Variants in TTN observed in about 807,000 individuals in gnomAD.
TTN encodes the protein connectin.
In TTN, 1,525 loss-of-function variants were observed where a neutral mutation model predicts 3,223.0. The observed-to-expected ratio is 0.47, with a 90% CI of 0.45 to 0.49. The LOEUF (loss-of-function observed/expected upper bound fraction) is 0.49, where lower values mean the gene tolerates loss of function less well. Among genes scored for constraint, TTN ranks in the 20% least tolerant of loss-of-function variants. The pLI is 0.00. For synonymous variants in TTN, 14,094 were observed against 15,161.0 expected (o/e 0.93, Z 5.17); for missense variants, 40,786 against 43,424.0 (o/e 0.94, Z 5.40).
At chr2:178,556,578 C>T in intron 330 of TTN, 1 of 458,044 alleles carries the variant, frequency 2.2e-6, no homozygotes. Flanking sequence ...AGAATGAAAG[C>T]ACCAACTCAT....
At position 178,589,748 on chromosome 2, in the gene TTN, G is replaced by A. The variant is rs763560548; in HGVS notation, c.61977C>T (p.Pro20659=). ...TGTCAATAGGGTTAATAGCCAGAAT[G>A]GGAGTTTTTGTTTCGATGGTTGGCC... is the stretch of plus-strand genomic sequence containing the variant. ...GVGPTIETKT[P]ILAINPIDRP... Residue 20659 remains proline, a synonymous_variant, in exon 304 of 363, where the codon CCC becomes CCT. Coordinates refer to ENST00000589042, the MANE Select transcript of TTN (RefSeq NM_001267550.2). 6 of 1,613,514 alleles carry A rather than the reference G, an allele frequency of 3.7e-6. No individual in the cohort carries two copies. In the Admixed American group the frequency reaches 1.0e-4, roughly 27 times the overall value.
chr2:178,736,338 T>C (rs1013984695), intron 49 of TTN, among the ~76,000 whole-genome samples: 10 of 152,182 alleles, frequency 6.6e-5, no homozygotes, highest in African/African-American at 1.4e-4. Flanking sequence ...TTACTAAAGA[T>C]TTGTCCATTT....
At chr2:178,641,554 T>C (rs1286307947) in intron 219 of TTN, 1 of 267,976 alleles carries the variant, frequency 3.7e-6, no homozygotes, top group Non-Finnish European at 6.9e-6. Context: ...AGAGGGTCTA[T>C]TCTGAGACAA....
At chr2:178,749,082 C>CA in intron 47 of TTN, 1 of 1,612,880 alleles carries the variant, frequency 6.2e-7, no homozygotes. Context: ...TCTTCATATA[C>CA]AATGGCAGAT....
rs940211628 is a variant in TTN, at chr2:178,607,900, G to A, written c.52887C>T (p.Tyr17629=). The change falls in exon 276 of 363, where the codon TAC becomes TAT. Residue 17629 remains tyrosine (Y), a synonymous_variant. Coordinates refer to ENST00000589042, the MANE Select transcript of TTN (RefSeq NM_001267550.2). ...CTEKMIKVRQ[Y]TVKEIREGAD... ...CACCCTCTCGGATTTCTTTGACGGTGTACTGACGGACCTTGATCATCTTCT... is the reference window on the plus strand; with the variant it reads ...CACCCTCTCGGATTTCTTTGACGGTATACTGACGGACCTTGATCATCTTCT... 2.5e-6 allele frequency: 4 copies of A among 1,612,894 alleles called. No homozygotes were observed. The African/African-American group carries it at 4.0e-5, about 16-fold the overall frequency.
At chr2:178,651,795 AC>A in intron 205 of TTN, 46 bp from the exon 206 acceptor site, 1 of 1,607,512 alleles carries the variant, frequency 6.2e-7, no homozygotes, top group Non-Finnish European at 8.5e-7. Flanking sequence ...AGATTGAGAA[AC>A]AAGACAAAAG....
At position 178,717,260 on chromosome 2, in the gene TTN, C is replaced by T. The variant is rs770655555; in HGVS notation, c.25474G>A (p.Asp8492Asn). ...CCTCCAGGGCGAATCTCTCGGTTATCTTTGGCCCAAGTGATTTTGATTGGT... is the reference window on the plus strand; with the variant it reads ...CCTCCAGGGCGAATCTCTCGGTTATTTTTGGCCCAAGTGATTTTGATTGGT... ...TAPIKITWAK[D>N]NREIRPGGNY... Residue 8492 changes from aspartate to asparagine, a missense_variant, in exon 88 of 363, where the codon GAT becomes AAT. Transcript: ENST00000589042. 1.2e-6 allele frequency: 2 copies of T among 1,613,722 alleles called. No homozygotes were observed. The highest frequency in any genetic ancestry group is 8.5e-7 in the Non-Finnish European group (1 of 1,179,694).
intron 43 of TTN, among the ~76,000 whole-genome samples, chr2:178,763,913 T>A (rs2089841316): frequency 7.6e-6 from 1 of 131,012 alleles, no homozygotes; most frequent in South Asian, 2.6e-4. Context: ...TGACCTTTTT[T>A]AATATTAGTG....
Position 178,579,977 on chromosome 2 carries a change from C to T in TTN, c.67310G>A (p.Gly22437Asp). The change falls in exon 318 of 363, where the codon GGT (glycine) becomes GAT (aspartate). Residue 22437 changes from glycine (G) to aspartate (D), a missense_variant. Physicochemically the swap from Gly to Asp is moderately conservative, Grantham distance 94. Coordinates refer to ENST00000589042, the MANE Select transcript of TTN (RefSeq NM_001267550.2). ...AGCATCACGAGTTTCACCGGGATCA[C>T]CAATGCCATACTCATTTTCAGCAAA... is the stretch of plus-strand genomic sequence containing the variant. ...RVFAENEYGI[G>D]DPGETRDAVK... 6.2e-7 allele frequency: 1 copy of T among 1,613,252 alleles called. No individual in the cohort carries two copies. The highest frequency in any genetic ancestry group is 8.5e-7 in the Non-Finnish European group (1 of 1,179,502).
Position 178,733,027 on chromosome 2 carries a change from G to A in TTN, c.16149C>T (p.Ser5383=). ...TAAACCAGGACACCCTCATGGGGAG[G>A]GAGCCTGCAATTTTGCAGTCCAGTC... ...TCRLDCKIAG[S]LPMRVSWFKD... Residue 5383 remains serine, a synonymous_variant, in exon 55 of 363, where the codon TCC becomes TCT. Transcript: ENST00000589042. 6.2e-7 allele frequency: 1 copy of A among 1,613,318 alleles called. No homozygotes were observed. Among genetic ancestry groups the A allele is most frequent in the East Asian group, 2.2e-5 (1 of 44,768 alleles).
Position 178,591,158 on chromosome 2 carries a change from C to T in TTN, c.60567G>A (p.Met20189Ile). The T allele has an allele frequency of 6.2e-7, 1 of 1,613,336 alleles. No homozygotes were observed. The highest frequency in any genetic ancestry group is 8.5e-7 in the Non-Finnish European group (1 of 1,179,552). The part of the protein sequence containing the change: ...INILDVTPEH[M>I]TISWQPPKDD... ...CCTTAGGTGGCTGCCATGAGATAGT[C>T]ATGTGTTCAGGAGTAACATCCAGAA... Residue 20189 changes from methionine to isoleucine, a missense_variant, in exon 304 of 363, where the codon ATG becomes ATA. Physicochemically the swap from Met to Ile is conservative, Grantham distance 10 (BLOSUM62 1). Transcript: ENST00000589042.
Position 178,734,900 on chromosome 2 carries a change from T to G in TTN, c.15024A>C (p.Ser5008=). ...SARLHCKLKG[S]PVIQVTWFKN... is the part of the protein sequence containing the mutation. ...TAAACCAAGTAACCTGGATCACAGG[T>G]GAGCCTTTCAGCTTGCAATGGAGGC... is the stretch of plus-strand genomic sequence containing the variant. Residue 5008 remains serine (S), a synonymous_variant, in exon 51 of 363, where the codon TCA becomes TCC. Transcript: ENST00000589042. 1 of 1,613,320 alleles carries G rather than the reference T, an allele frequency of 6.2e-7. No individual in the cohort carries two copies. The highest frequency in any genetic ancestry group is 1.1e-5 in the South Asian group (1 of 91,044).
chr2:178,738,015 A>G, intron 49 of TTN, 67 bp downstream of exon 49: 1 of 1,562,404 alleles, frequency 6.4e-7, no homozygotes, highest in East Asian at 2.3e-5. Context: ...CCACACATGT[A>G]CAGAAAGCAA....
chr2:178,750,191 TG>T (rs780105661), intron 47 of TTN: 1 of 1,613,206 alleles, frequency 6.2e-7, no homozygotes, highest in South Asian at 1.1e-5. Flanking sequence ...CATAGATGGA[TG>T]GGCGCCTTTT....
At chr2:178,641,505 T>C (rs2061230687) in intron 219 of TTN, 190 bp from the exon 220 acceptor site, 1 of 403,096 alleles carries the variant, frequency 2.5e-6, no homozygotes, top group Admixed American at 4.4e-5. Context: ...AGGTTGTCAA[T>C]TATAATAGCA....
In TTN at chr2:178,607,187, A is replaced by G. The variant is rs1436348536; in HGVS notation, c.53415T>C (p.Asp17805=). The change falls in exon 278 of 363, where the codon GAT becomes GAC. Residue 17805 remains aspartate, a synonymous_variant. Transcript: ENST00000589042. ...GTTGTCTCCAAGTATGCATCTTGGC[A>G]TCTTTTCTTTCAATGATAAAGCCTG... The part of the protein sequence containing the change: ...EITGFIIERK[D]AKMHTWRQPI... 1 of 1,612,886 alleles carries G rather than the reference A, an allele frequency of 6.2e-7. No homozygotes were observed. The highest frequency in any genetic ancestry group is 1.3e-5 in the African/African-American group (1 of 74,834).
At position 178,758,723 on chromosome 2, in the gene TTN, G is replaced by A. The variant is rs555930536; in HGVS notation, c.10303+261C>T. The A allele has an allele frequency of 3.4e-5, 17 of 499,956 alleles. 1 individual carries two copies. Among genetic ancestry groups the A allele is most frequent in the Middle Eastern group, 5.5e-4 (1 of 1,828 alleles). 31.0% of individuals were successfully genotyped at this position (499,956 alleles called of 1,614,324 possible). A position where few individuals can be genotyped will look rare whatever the true frequency, so the allele number is the denominator to read the frequency against. On this transcript the variant is annotated intron_variant, in intron 44 of 362. Coordinates refer to ENST00000589042, the MANE Select transcript of TTN (RefSeq NM_001267550.2). ...CTGATTCATGCTGATTAGGAAGCAT[G>A]ACAGCTGGTGACAGCAGCAATACAT...
In TTN at chr2:178,685,240, A is replaced by G. The variant is rs764367095; in HGVS notation, c.32470+13T>C. 11 of 1,528,572 alleles carry G rather than the reference A, an allele frequency of 7.2e-6. No homozygotes were observed. The highest frequency in any genetic ancestry group is 4.4e-5 in the Admixed American group (2 of 45,414). 94.7% of individuals were successfully genotyped at this position (1,528,572 alleles called of 1,614,324 possible). On this transcript the variant is annotated intron_variant, in intron 129 of 362. Coordinates refer to ENST00000589042, the MANE Select transcript of TTN (RefSeq NM_001267550.2). ...AAATAAATAGTGTTGCATTTCTTTG[A>G]AAGAAATCATACCTTTAGCCGGTGG...
chr2:178,649,573 T>C lies in TTN; in HGVS notation c.39954A>G (p.Pro13318=). ...PVKKVPTVKK[P]ETPAAKVPEV... is the part of the protein sequence containing the mutation. ...GAATACCTTTAGCTGCTGGTGTTTCTGGCTTCTTAACAGTTGGGACCTTCT... is the reference window on the plus strand; with the variant it reads ...GAATACCTTTAGCTGCTGGTGTTTCCGGCTTCTTAACAGTTGGGACCTTCT... Residue 13318 remains proline (P), a synonymous_variant, in exon 212 of 363, where the codon CCA becomes CCG. Transcript: ENST00000589042. The C allele has an allele frequency of 1.3e-6, 2 of 1,550,002 alleles. No individual in the cohort carries two copies. Among genetic ancestry groups the C allele is most frequent in the South Asian group, 2.4e-5 (2 of 84,014 alleles).
Sources: gnomAD v4.1 joint callset for allele counts (sites outside exome capture counted in the v4.1 genomes callset) on GRCh38, gnomAD v4.1.1 for gene constraint, MANE v1.5 for transcripts, NCBI Gene and HGNC (gene_info 2026-07-23, HGNC 2026-07-21) for gene names.